Variants in WDR11 observed in about 807,000 individuals in gnomAD.
WDR11 encodes WD repeat domain 11.
In WDR11, 83 loss-of-function variants were observed where a neutral mutation model predicts 151.2. The observed-to-expected ratio is 0.55, with a 90% CI of 0.46 to 0.66. The LOEUF (loss-of-function observed/expected upper bound fraction) is 0.66. WDR11 is among the 30% of genes least tolerant of loss of function. The probability of loss-of-function intolerance (pLI) is 0.00; values close to 1 mark genes in which losing one functional copy is unlikely to be tolerated. For synonymous variants in WDR11, 484 were observed against 533.1 expected, an observed-to-expected ratio of 0.91 and a Z score of 1.27; for missense variants, 1,301 against 1,480.9, an observed-to-expected ratio of 0.88 and a Z score of 1.99.
Position 120,903,060 on chromosome 10 carries a change from A to G in WDR11, c.2759A>G (p.Tyr920Cys), listed in dbSNP as rs369937095. The G allele has an allele frequency of 2.5e-5, 41 of 1,613,846 alleles. No homozygotes were observed. Among genetic ancestry groups the G allele is most frequent in the Non-Finnish European group, 3.4e-5 (40 of 1,180,024 alleles). ...LQRCLLVSRL[Y>C]GDESELHFWT... is the part of the protein sequence containing the mutation. ...CTTTGCTTCATCCTTGCCAGGCTCTATGGTGATGAATCGGAGCTGCACTTC... is the reference window on the plus strand; with the variant it reads ...CTTTGCTTCATCCTTGCCAGGCTCTGTGGTGATGAATCGGAGCTGCACTTC... Residue 920 changes from tyrosine to cysteine, a missense_variant, in exon 23 of 29, where the codon TAT (tyrosine) becomes TGT (cysteine). This residue lies in a region of WDR11 where 589 missense variants were observed against 670.6 expected (regional missense o/e 0.88). Transcript: ENST00000263461.
chr10:120,891,037 G>A, intron 19 of WDR11, 150 bp downstream of exon 19: 1 of 876,902 alleles, frequency 1.1e-6, no homozygotes, highest in Non-Finnish European at 1.8e-6. Context: ...CTTGAAGCTT[G>A]AGTGTTTTTA....
rs1179606604 is a variant in WDR11, at chr10:120,862,864, C to T, written c.656C>T (p.Thr219Ile). 1.2e-6 allele frequency: 2 copies of T among 1,614,112 alleles called. No individual in the cohort carries two copies. The highest frequency in any genetic ancestry group is 2.2e-5 in the South Asian group (2 of 91,070). The change falls in exon 5 of 29, where the codon ACA becomes ATA. Residue 219 changes from threonine to isoleucine, a missense_variant. This residue lies in a region of WDR11 where 692 missense variants were observed against 762.5 expected (regional missense o/e 0.91). Coordinates refer to ENST00000263461, the MANE Select transcript of WDR11 (RefSeq NM_018117.12). ...SPAHNKLATA[T>I]GAKKALNKVK... The stretch of plus-strand genomic sequence containing the variant: ...GCTCATAACAAGCTGGCCACAGCCA[C>T]AGGTGCCAAGAAAGCTCTAAATAAA...
intron 5 of WDR11, among the ~76,000 whole-genome samples, chr10:120,863,486 C>T (rs1846208120): frequency 6.6e-6 from 1 of 152,008 alleles, no homozygotes; most frequent in Admixed American, 6.6e-5. Context: ...TTTTAAAGAT[C>T]AATAGATCCA....
chr10:120,869,366 G>T (rs1846441738), intron 9 of WDR11, among the ~76,000 whole-genome samples: 1 of 152,062 alleles, frequency 6.6e-6, no homozygotes, highest in South Asian at 2.1e-4. Flanking sequence ...GCCCGCCTCG[G>T]CCTCCCAAAG....
At chr10:120,854,991 T>A (rs542381230) in intron 2 of WDR11, among the ~76,000 whole-genome samples, 2 of 152,206 alleles carry the variant, frequency 1.3e-5, no homozygotes, top group Non-Finnish European at 2.9e-5. Flanking sequence ...TCATACATAC[T>A]TACTTATGAT....
At chr10:120,883,930 T>G in intron 14 of WDR11, 42 bp downstream of exon 14, 9 of 1,496,936 alleles carry the variant, frequency 6.0e-6, no homozygotes, top group South Asian at 1.1e-5. Context: ...TTTAGGTATA[T>G]ATGTATGTGG....
At chr10:120,859,197 C>T (rs569374884) in intron 3 of WDR11, among the ~76,000 whole-genome samples, 9 of 151,692 alleles carry the variant, frequency 5.9e-5, no homozygotes, top group Non-Finnish European at 1.3e-4. Context: ...ATTTTATTCT[C>T]ATTTTCATAT....
At chr10:120,891,000 G>A in intron 19 of WDR11, 113 bp downstream of exon 19, 3 of 1,175,740 alleles carry the variant, frequency 2.6e-6, no homozygotes, top group East Asian at 2.3e-5. Context: ...TATTTTCTTA[G>A]AATCTGAGTT....
intron 19 of WDR11, among the ~76,000 whole-genome samples, chr10:120,896,242 A>C (rs997115739): frequency 1.3e-5 from 2 of 152,196 alleles, no homozygotes; most frequent in African/African-American, 4.8e-5. Context: ...GATTTTATAC[A>C]TAGGTTCATG....
chr10:120,904,575 C>T, intron 24 of WDR11, 71 bp from the exon 25 acceptor site: 1 of 1,579,824 alleles, frequency 6.3e-7, no homozygotes, highest in Non-Finnish European at 8.7e-7. Flanking sequence ...TAGTTTTCTA[C>T]CTTATGAATT....
Position 120,865,142 on chromosome 10 carries a change from TC to T in WDR11, c.811del (p.Asp272ThrfsTer4), listed in dbSNP as rs751915431. 25 of 1,613,856 alleles carry T rather than the reference TC, an allele frequency of 1.5e-5. No individual in the cohort carries two copies. Among genetic ancestry groups the T allele is most frequent in the Non-Finnish European group, 2.1e-5 (25 of 1,179,900 alleles). The stretch of plus-strand genomic sequence containing the variant: ...TTGCTCTATCCTCGAGAGATTTTAA[TC>T]CTTGACCTTGAGGTGAATCAGACGG... ...MLLLYPREIL[I>X]LDLEVNQTVG... On this transcript the variant is annotated frameshift_variant, in exon 6 of 29. Coordinates refer to ENST00000263461, the MANE Select transcript of WDR11 (RefSeq NM_018117.12). LOFTEE classifies it high-confidence loss of function.
At chr10:120,869,517 T>TAATTTA (rs10664805) in intron 9 of WDR11, among the ~76,000 whole-genome samples, 43,321 of 151,684 alleles carry the variant, frequency 0.29, 7,077 homozygotes, top group East Asian at 0.48. Context: ...GAAAACATTT[T>TAATTTA]AATTTAAACT....
intron 24 of WDR11, 123 bp from the exon 25 acceptor site, chr10:120,904,520 AAAC>A (rs1378435696): frequency 8.3e-7 from 1 of 1,205,172 alleles, no homozygotes; most frequent in African/African-American, 1.5e-5. Context: ...TTGTATTTGT[AAAC>A]AAAATATTCA....
intron 2 of WDR11, among the ~76,000 whole-genome samples, chr10:120,853,335 G>A (rs1590048776): frequency 1.3e-5 from 2 of 151,678 alleles, no homozygotes; most frequent in African/African-American, 2.4e-5. Flanking sequence ...GCATGATCTC[G>A]GCTCACTGTA....
chr10:120,866,825 T>A, intron 8 of WDR11, 61 bp downstream of exon 8: 2 of 1,588,906 alleles, frequency 1.3e-6, no homozygotes, highest in Middle Eastern at 1.7e-4. Context: ...TTATAAAAAA[T>A]TTCCATAATC....
intron 11 of WDR11, among the ~76,000 whole-genome samples, chr10:120,874,227 G>GTTTTT (rs201729401): frequency 6.6e-5 from 8 of 120,484 alleles, no homozygotes; most frequent in African/African-American, 2.2e-4. Flanking sequence ...GTTTTGTTTT[G>GTTTTT]TTTTTTTTAA....
chr10:120,855,504 A>T (rs1217030274), intron 2 of WDR11, among the ~76,000 whole-genome samples: 1 of 151,522 alleles, frequency 6.6e-6, no homozygotes, highest in African/African-American at 2.4e-5. Context: ...TTTCATTTTG[A>T]TGTAGTCCAA....
chr10:120,856,157 A>G (rs991036311), intron 2 of WDR11: 4 of 152,202 alleles, frequency 2.6e-5, no homozygotes, highest in African/African-American at 9.6e-5. Flanking sequence ...CCTGTCTAAT[A>G]TTGGTTGATT....
At chr10:120,901,678 A>G (rs1459429189) in intron 21 of WDR11, among the ~76,000 whole-genome samples, 3 of 152,266 alleles carry the variant, frequency 2.0e-5, no homozygotes. Context: ...TTAACAAATT[A>G]AGCATGATAT....
Sources: gnomAD v4.1 joint callset for allele counts (sites outside exome capture counted in the v4.1 genomes callset) on GRCh38, gnomAD v4.1.1 for gene constraint, gnomAD v4.1.1 regional missense constraint, MANE v1.5 for transcripts, NCBI Gene and HGNC (gene_info 2026-07-23, HGNC 2026-07-21) for gene names.